The following MGAT4C variants were observed in gnomAD, a reference collection of about 807,000 sequenced individuals.
MGAT4C encodes the protein alpha-1,3-mannosyl-glycoprotein 4-beta-N-acetylglucosaminyltransferase C.
A neutral mutation model predicts 40.1 loss-of-function variants in MGAT4C; 19 were observed. The ratio of observed to expected loss-of-function variants is 0.47; its 90% confidence interval spans 0.33 to 0.70. MGAT4C has a LOEUF of 0.70. Among genes scored for constraint, MGAT4C ranks in the 30% least tolerant of loss-of-function variants. The probability of loss-of-function intolerance (pLI) is 0.02; values close to 1 mark genes in which losing one functional copy is unlikely to be tolerated. For synonymous variants in MGAT4C, 181 were observed against 187.1 expected, an observed-to-expected ratio of 0.97 and a Z score of 0.27; for missense variants, 491 against 563.2, an observed-to-expected ratio of 0.87 and a Z score of 1.30.
intron 2 of MGAT4C, among the ~76,000 whole-genome samples, chr12:86,527,699 C>T (rs766146002): frequency 1.3e-5 from 2 of 152,092 alleles, no homozygotes; most frequent in African/African-American, 4.8e-5. Context: ...TTTTCTTATA[C>T]ATATCTTCCA....
At chr12:86,531,750 T>C (rs989301507) in intron 2 of MGAT4C, among the ~76,000 whole-genome samples, 3 of 152,038 alleles carry the variant, frequency 2.0e-5, no homozygotes, top group African/African-American at 7.2e-5. Context: ...ACAAACAAAA[T>C]GCTCTATTTA....
intron 2 of MGAT4C, among the ~76,000 whole-genome samples, chr12:85,992,909 G>A (rs1444889944): frequency 1.3e-5 from 2 of 152,186 alleles, no homozygotes; most frequent in East Asian, 1.9e-4. Flanking sequence ...ACGGTCCCAG[G>A]GAAATAGGGA....
At chr12:86,472,217 C>T (rs1235147195) in intron 2 of MGAT4C, among the ~76,000 whole-genome samples, 1 of 152,086 alleles carries the variant, frequency 6.6e-6, no homozygotes, top group Non-Finnish European at 1.5e-5. Flanking sequence ...CTGCCTCCAG[C>T]GACTGTAGGC....
rs1883446121 is a variant in MGAT4C at position 85,968,051 on chromosome 12, T to A, written c.*11238A>T. On this transcript the variant is annotated 3_prime_UTR_variant, in exon 5 of 5. Transcript: ENST00000611864. ...ATCTGAAATTTAAAAATTTGACAAA[T>A]TTTTAAAGTACCCAGTTCTTGGAAA... is the stretch of plus-strand genomic sequence containing the variant. 6.6e-6 allele frequency: 1 copy of A among 152,006 alleles called. No homozygotes were observed. Among genetic ancestry groups the A allele is most frequent in the East Asian group, 1.9e-4 (1 of 5,204 alleles). The allele number at this position is 152,006 out of a possible 1,614,324, so 9.4% of individuals were successfully genotyped here.
At chr12:86,073,311 T>A (rs1348782659) in intron 1 of MGAT4C, among the ~76,000 whole-genome samples, 1 of 152,096 alleles carries the variant, frequency 6.6e-6, no homozygotes, top group Non-Finnish European at 1.5e-5. Flanking sequence ...TCTTTATAAA[T>A]TACCCCGTCT....
At chr12:86,405,573 G>A (rs1956448067) in intron 3 of MGAT4C, among the ~76,000 whole-genome samples, 1 of 151,886 alleles carries the variant, frequency 6.6e-6, no homozygotes, top group Admixed American at 6.6e-5. Flanking sequence ...AAATACAGTT[G>A]TAAAGCAATT....
At chr12:86,490,927 C>T (rs1483422390) in intron 2 of MGAT4C, among the ~76,000 whole-genome samples, 4 of 152,214 alleles carry the variant, frequency 2.6e-5, no homozygotes, top group South Asian at 4.1e-4. Flanking sequence ...TCCTGAGTGA[C>T]CTACAAAGAG....
chr12:86,316,536 T>C (rs565536614), intron 4 of MGAT4C, among the ~76,000 whole-genome samples: 90 of 152,160 alleles, frequency 5.9e-4, no homozygotes, highest in African/African-American at 2.1e-3. Context: ...TAGGCAGCCA[T>C]AGGAAAGAAT....
At chr12:86,431,417 G>A (rs1194706877) in intron 3 of MGAT4C, among the ~76,000 whole-genome samples, 1 of 152,122 alleles carries the variant, frequency 6.6e-6, no homozygotes, top group African/African-American at 2.4e-5. Context: ...TAAAAACATG[G>A]TAAAACCTAA....
chr12:86,739,013 C>T (rs1391101861), intron 1 of MGAT4C, among the ~76,000 whole-genome samples: 1 of 149,958 alleles, frequency 6.7e-6, no homozygotes, highest in Non-Finnish European at 1.5e-5. Context: ...TGAATAAATG[C>T]CATTAAATGA....
At chr12:86,721,817 A>G (rs1425234340) in intron 2 of MGAT4C, among the ~76,000 whole-genome samples, 7 of 152,148 alleles carry the variant, frequency 4.6e-5, no homozygotes, top group African/African-American at 1.7e-4. Flanking sequence ...CTGATTGTTT[A>G]AGTCTATTTA....
At position 85,980,285 on chromosome 12, in the gene MGAT4C, G is replaced by C; in HGVS notation, c.441C>G (p.Ser147=). The change falls in exon 5 of 5, where the codon TCC becomes TCG. Residue 147 remains serine, a synonymous_variant. Transcript: ENST00000611864. ...TATCCTGGACCATGGCATCACGCCA[G>C]GAAGAATTAAAGTCTGCTAGGTGAA... The part of the protein sequence containing the change: ...VVVHLADFNS[S]WRDAMVQDIT... 3 of 1,613,952 alleles carry C rather than the reference G, an allele frequency of 1.9e-6. No individual in the cohort carries two copies. The highest frequency in any genetic ancestry group is 2.5e-6 in the Non-Finnish European group (3 of 1,179,912).
intron 4 of MGAT4C, among the ~76,000 whole-genome samples, chr12:86,332,503 T>C (rs1209663217): frequency 6.6e-6 from 1 of 152,176 alleles, no homozygotes; most frequent in Non-Finnish European, 1.5e-5. Flanking sequence ...ATTTTCCTTT[T>C]ATATTCCTCT....
At chr12:86,443,647 G>C (rs1957276796) in intron 2 of MGAT4C, among the ~76,000 whole-genome samples, 1 of 152,202 alleles carries the variant, frequency 6.6e-6, no homozygotes, top group Non-Finnish European at 1.5e-5. Context: ...AGGCTGGAGT[G>C]CAGTGGCACG....
chr12:86,714,773 A>AAAAGGAAGGAAG (rs969139189), intron 2 of MGAT4C, among the ~76,000 whole-genome samples: 5 of 86,978 alleles, frequency 5.7e-5, no homozygotes, highest in African/African-American at 2.4e-4. Flanking sequence ...GTGGAAGGGA[A>AAAAGGAAGGAAG]AAAGGAAGGA....
intron 2 of MGAT4C, among the ~76,000 whole-genome samples, chr12:86,698,924 C>T (rs948394063): frequency 1.3e-5 from 2 of 152,070 alleles, no homozygotes; most frequent in Non-Finnish European, 2.9e-5. Flanking sequence ...ATTAGAAAAA[C>T]ATGCAAGGAA....
At chr12:86,364,345 T>A (rs189534074) in intron 3 of MGAT4C, among the ~76,000 whole-genome samples, 127 of 152,278 alleles carry the variant, frequency 8.3e-4, no homozygotes, top group African/African-American at 2.9e-3. Flanking sequence ...CAATTGCTTC[T>A]GGGGACTAAG....
intron 2 of MGAT4C, among the ~76,000 whole-genome samples, chr12:86,687,218 C>T (rs1005095076): frequency 3.3e-5 from 5 of 151,246 alleles, no homozygotes; most frequent in African/African-American, 1.2e-4. Flanking sequence ...ATTTTCTATT[C>T]TTCTTTCTTT....
At chr12:86,194,354 A>G (rs1949713021) in intron 1 of MGAT4C, among the ~76,000 whole-genome samples, 1 of 152,152 alleles carries the variant, frequency 6.6e-6, no homozygotes, top group Admixed American at 6.5e-5. Flanking sequence ...AATACAGTGT[A>G]TGAAAAGTTA....
Sources: gnomAD v4.1 joint callset for allele counts (sites outside exome capture counted in the v4.1 genomes callset) on GRCh38, gnomAD v4.1.1 for gene constraint, MANE v1.5 for transcripts, NCBI Gene and HGNC (gene_info 2026-07-23, HGNC 2026-07-21) for gene names.